CTCFL: variants seen among roughly 807,000 people sequenced by gnomAD.
CTCFL encodes the protein transcriptional repressor CTCFL.
In CTCFL, 36 loss-of-function variants were observed where a neutral mutation model predicts 67.4. That is an observed-to-expected ratio of 0.53 (90% CI 0.41 to 0.71). The LOEUF is 0.71. Ranked by LOEUF, CTCFL falls within the 30% of genes least tolerant of loss-of-function variation. The pLI is 0.00. For synonymous variants in CTCFL, 324 were observed against 302.3 expected, an observed-to-expected ratio of 1.07 and a Z score of -0.75; for missense variants, 786 against 835.2, an observed-to-expected ratio of 0.94 and a Z score of 0.73.
intron 10 of CTCFL, 76 bp from the exon 11 acceptor site, chr20:57,498,777 T>C: frequency 2.2e-6 from 3 of 1,370,444 alleles, no homozygotes; most frequent in Non-Finnish European, 2.0e-6. Flanking sequence ...GCAAATATAT[T>C]TTGGAAACCA....
At chr20:57,505,517 A>G (rs1233247527) in intron 9 of CTCFL, among the ~76,000 whole-genome samples, 1 of 152,120 alleles carries the variant, frequency 6.6e-6, no homozygotes, top group African/African-American at 2.4e-5. Context: ...CGGCCTCCCA[A>G]AATGCTGGGA....
chr20:57,499,794 T>G (rs2146273743), intron 10 of CTCFL: 1 of 187,078 alleles, frequency 5.3e-6, no homozygotes, highest in Non-Finnish European at 1.0e-5. Context: ...TTCACACTCA[T>G]GAGAATCTAA....
intron 2 of CTCFL, 57 bp downstream of exon 2, chr20:57,523,606 G>A (rs994072831): frequency 8.1e-5 from 126 of 1,556,796 alleles, no homozygotes; most frequent in Non-Finnish European, 1.1e-4. Context: ...TTGCATAAAA[G>A]CCGACTTGAA....
intron 8 of CTCFL, among the ~76,000 whole-genome samples, chr20:57,511,566 T>G (rs2068554582): frequency 6.6e-6 from 1 of 151,850 alleles, no homozygotes; most frequent in African/African-American, 2.4e-5. Flanking sequence ...ATATAAAAGT[T>G]GCTTTAAAAA....
chr20:57,524,508 GC>G, intron 1 of CTCFL: 1 of 1,192,392 alleles, frequency 8.4e-7, no homozygotes, highest in Non-Finnish European at 1.0e-6. Context: ...GCAAGGTTCC[GC>G]CTGAGCACAC....
intron 9 of CTCFL, 126 bp downstream of exon 9, chr20:57,508,480 T>C: frequency 1.2e-6 from 1 of 860,768 alleles, no homozygotes; most frequent in Non-Finnish European, 1.8e-6. Flanking sequence ...TCCTAAGGCA[T>C]GACAGATGCT....
At chr20:57,519,116 C>T (rs563969535) in intron 4 of CTCFL, 91 bp downstream of exon 4, 273 of 1,361,670 alleles carry the variant, frequency 2.0e-4, no homozygotes, top group Non-Finnish European at 2.4e-4. Context: ...AAATGTTACA[C>T]GATTCTACTG....
intron 10 of CTCFL, among the ~76,000 whole-genome samples, chr20:57,503,158 G>A (rs955862652): frequency 7.9e-5 from 12 of 152,236 alleles, no homozygotes; most frequent in African/African-American, 2.4e-4. Context: ...CAACAGCCCA[G>A]GACAGTCCCT....
At chr20:57,518,010 T>C (rs1272668824) in intron 5 of CTCFL, among the ~76,000 whole-genome samples, 1 of 152,234 alleles carries the variant, frequency 6.6e-6, no homozygotes, top group African/African-American at 2.4e-5. Flanking sequence ...AACCATGAAA[T>C]TTCCCAATTT....
intron 9 of CTCFL, chr20:57,506,917 GA>G: frequency 1.0e-6 from 1 of 985,314 alleles, no homozygotes; most frequent in Non-Finnish European, 1.2e-6. Flanking sequence ...TGACATTCCA[GA>G]ACTATCCCAC....
intron 9 of CTCFL, chr20:57,507,384 G>T: frequency 1.7e-6 from 1 of 580,390 alleles, no homozygotes; most frequent in Admixed American, 3.0e-5. Flanking sequence ...TTAAAGTAGA[G>T]ACAGGGTTTC....
intron 3 of CTCFL, among the ~76,000 whole-genome samples, chr20:57,520,516 C>G (rs1467368748): frequency 1.3e-5 from 2 of 152,050 alleles, no homozygotes; most frequent in Non-Finnish European, 2.9e-5. Context: ...TTCCAGCAAC[C>G]AGGGGAAACA....
chr20:57,523,530 T>C (rs978025229), intron 2 of CTCFL, 133 bp downstream of exon 2: 25 of 1,292,352 alleles, frequency 1.9e-5, no homozygotes, highest in Non-Finnish European at 2.6e-5. Context: ...ACTCTCAAGA[T>C]TTTCCTGGGA....
chr20:57,515,885 G>A (rs371866286), intron 5 of CTCFL, 51 bp from the exon 6 acceptor site: 33 of 1,570,558 alleles, frequency 2.1e-5, no homozygotes, highest in Non-Finnish European at 2.8e-5. Flanking sequence ...AAAAATGGCA[G>A]AGTCTTCCAT....
rs751665973 is a variant in CTCFL, at chr20:57,514,682, T to C, written c.1240A>G (p.Lys414Glu). Residue 414 changes from lysine to glutamate, a missense_variant, in exon 7 of 11, where the codon AAA becomes GAA. Coordinates refer to ENST00000243914, the MANE Select transcript of CTCFL (RefSeq NM_001386993.1). Reference sequence around the variant, plus strand: ...CCGTGTTTCTGCAGAATATGTATTTTCATGGTCCCGCTCTGGGTGAAGCGG... The same window carrying C: ...CCGTGTTTCTGCAGAATATGTATTTCCATGGTCCCGCTCTGGGTGAAGCGG... ...HTRFTQSGTM[K>E]IHILQKHGEN... 3.7e-6 allele frequency: 6 copies of C among 1,614,202 alleles called. No homozygotes were observed. The highest frequency in any genetic ancestry group is 5.1e-6 in the Non-Finnish European group (6 of 1,180,028).
Position 57,514,464 on chromosome 20 carries a change from C to A in CTCFL, c.1330+128G>T, listed in dbSNP as rs1018465485. ...GCGACAGGACTTCTGGAAGAAAATT[C>A]GTCCCAGGGCCAAGTTCCCGAAGAC... On this transcript the variant is annotated intron_variant, in intron 7 of 10. Coordinates refer to ENST00000243914, the MANE Select transcript of CTCFL (RefSeq NM_001386993.1). 66 of 1,079,194 alleles carry A rather than the reference C, an allele frequency of 6.1e-5. No homozygotes were observed. The Admixed American group carries it at 1.5e-3, about 24-fold the overall frequency. 66.9% of individuals were successfully genotyped at this position (1,079,194 alleles called of 1,614,324 possible). A position where few individuals can be genotyped will look rare whatever the true frequency, so the allele number is the denominator to read the frequency against.
Position 57,512,575 on chromosome 20 carries a change from TAAGTA to T in CTCFL, c.1491+12_1491+16del, listed in dbSNP as rs1419045717. Reference sequence around the variant, plus strand: ...TCCATACACCACTGCCTCTCCAAATTAAGTAAAGTACAATACCTGCTTGCAGGCAT... The same window carrying T: ...TCCATACACCACTGCCTCTCCAAATTAAGTACAATACCTGCTTGCAGGCAT... On this transcript the variant is annotated intron_variant, in intron 8 of 10. Coordinates refer to ENST00000243914, the MANE Select transcript of CTCFL (RefSeq NM_001386993.1). 3.7e-6 allele frequency: 6 copies of T among 1,610,784 alleles called. No individual in the cohort carries two copies. Among genetic ancestry groups the T allele is most frequent in the East Asian group, 2.2e-5 (1 of 44,782 alleles).
At chr20:57,518,470 C>A in intron 5 of CTCFL, 1 of 1,359,236 alleles carries the variant, frequency 7.4e-7, no homozygotes, top group Non-Finnish European at 9.6e-7. Context: ...AGATAAAATG[C>A]AGAACTTTTA....
At chr20:57,513,235 C>A in intron 7 of CTCFL, 1 of 984,050 alleles carries the variant, frequency 1.0e-6, no homozygotes, top group Non-Finnish European at 1.2e-6. Context: ...CTTTATTTTA[C>A]CTTAAATAAT....
Sources: allele counts gnomAD v4.1 joint callset (sites outside exome capture counted in the v4.1 genomes callset), GRCh38; gene constraint gnomAD v4.1.1; transcripts MANE v1.5; gene names NCBI Gene and HGNC (gene_info 2026-07-23, HGNC 2026-07-21).